SYT2: variants seen among roughly 807,000 people sequenced by gnomAD.
SYT2 encodes synaptotagmin 2.
SYT2 carries 15 observed loss-of-function variants against 39.9 expected under a neutral mutation model. That is an observed-to-expected ratio of 0.38 (90% CI 0.25 to 0.58). The LOEUF is 0.58. Ranked by LOEUF, SYT2 falls within the 20% of genes least tolerant of loss-of-function variation. SYT2 has a pLI of 0.70. For missense variants in SYT2, 389 were observed against 530.3 expected, an observed-to-expected ratio of 0.73 and a Z score of 2.62; for synonymous variants, 181 against 204.5, an observed-to-expected ratio of 0.89 and a Z score of 0.98.
chr1:202,637,458 A>G (rs773978922), intron 1 of SYT2, among the ~76,000 whole-genome samples: 1 of 152,264 alleles, frequency 6.6e-6, no homozygotes, highest in Non-Finnish European at 1.5e-5. Flanking sequence ...ACATAAGTCC[A>G]GAAGCTGGGC....
At chr1:202,642,829 ACGCCCACTTCATGCACCTCCCCG>A (rs1463728598) in intron 1 of SYT2, among the ~76,000 whole-genome samples, 2 of 151,982 alleles carry the variant, frequency 1.3e-5, no homozygotes, top group East Asian at 3.9e-4. Context: ...TTCTCTCCGC[ACGCCCACTTCATGCACCTCCCCG>A]CGCCCTTCCC....
chr1:202,606,885 G>A (rs1041666709), intron 1 of SYT2, among the ~76,000 whole-genome samples: 4 of 151,888 alleles, frequency 2.6e-5, no homozygotes, highest in African/African-American at 9.7e-5. Context: ...ACCATACTAT[G>A]TATAGTTTTT....
intron 1 of SYT2, among the ~76,000 whole-genome samples, chr1:202,670,932 T>C (rs1692574637): frequency 1.3e-5 from 2 of 152,258 alleles, no homozygotes; most frequent in Non-Finnish European, 2.9e-5. Flanking sequence ...TTCTAAATGT[T>C]CACCATCCCA....
At chr1:202,696,960 C>T (rs989637011) in intron 1 of SYT2, among the ~76,000 whole-genome samples, 1 of 152,324 alleles carries the variant, frequency 6.6e-6, no homozygotes, top group Non-Finnish European at 1.5e-5. Context: ...GTCATTAGGA[C>T]AGTGACCTAA....
chr1:202,643,890 G>A (rs1194855922), intron 1 of SYT2, among the ~76,000 whole-genome samples: 1 of 152,184 alleles, frequency 6.6e-6, no homozygotes, highest in East Asian at 1.9e-4. Flanking sequence ...CGCCAGCTCC[G>A]AGTTTACAGC....
chr1:202,631,354 G>T (rs188673873), intron 1 of SYT2, among the ~76,000 whole-genome samples: 227 of 152,284 alleles, frequency 1.5e-3, no homozygotes, highest in Admixed American at 2.7e-3. Flanking sequence ...CAGAGAACCG[G>T]CATGTAATGG....
At chr1:202,631,758 G>T (rs1691600123) in intron 1 of SYT2, among the ~76,000 whole-genome samples, 1 of 152,178 alleles carries the variant, frequency 6.6e-6, no homozygotes, top group Admixed American at 6.5e-5. Flanking sequence ...ATGGTCCCAG[G>T]AGGTAATGAG....
chr1:202,604,818 C>CTTTTTTTTTTTTTTTTTTT (rs59944538), intron 2 of SYT2, among the ~76,000 whole-genome samples, 197 bp from the exon 3 acceptor site: 1 of 71,666 alleles, frequency 1.4e-5, no homozygotes. Context: ...TCATGCCTTG[C>CTTTTTTTTTTTTTTTTTTT]TTTTTTTTTT....
intron 1 of SYT2, among the ~76,000 whole-genome samples, chr1:202,699,917 C>A (rs1654070204): frequency 6.6e-6 from 1 of 152,060 alleles, no homozygotes; most frequent in Non-Finnish European, 1.5e-5. Flanking sequence ...CCTCTCTGGG[C>A]CTTGTCTTTA....
At chr1:202,639,353 G>T in intron 1 of SYT2, 1 of 228,408 alleles carries the variant, frequency 4.4e-6, no homozygotes, top group Non-Finnish European at 7.3e-6. Flanking sequence ...ATAACTGCTT[G>T]GTGCTTAACA....
At chr1:202,645,023 T>A (rs1223741297) in intron 1 of SYT2, among the ~76,000 whole-genome samples, 1 of 151,744 alleles carries the variant, frequency 6.6e-6, no homozygotes, top group Non-Finnish European at 1.5e-5. Flanking sequence ...TGTGGGGGAG[T>A]GTGCATCTGC....
In SYT2 at chr1:202,614,694, G is replaced by A. The variant is rs151337734; in HGVS notation, c.-17-8905C>T. ...ATGATTGAACTGAGACCTGAAGGGT[G>A]AGTATTTATCCAGGTAAAGAGGAGA... is the stretch of plus-strand genomic sequence containing the variant. On this transcript the variant is annotated intron_variant, in intron 1 of 8. Coordinates refer to ENST00000367268, the MANE Select transcript of SYT2 (RefSeq NM_177402.5). The surrounding 1 kb of genome is among the most constrained non-coding windows in gnomAD (Gnocchi z 4.0). 8.7e-4 allele frequency among the ~76,000 whole-genome samples: 132 copies of A among 152,358 alleles called. No individual in the cohort carries two copies. Among genetic ancestry groups the A allele is most frequent in the Middle Eastern group, 6.8e-3 (2 of 294 alleles).
rs1415135770 is a variant in SYT2, at chr1:202,643,901, C to T, written c.-17-38112G>A. 2.0e-5 allele frequency among the ~76,000 whole-genome samples: 3 copies of T among 152,310 alleles called. No homozygotes were observed. The East Asian group carries it at 5.8e-4, about 29-fold the overall frequency. Reference sequence around the variant, plus strand: ...CACCCGCCAGCTCCGAGTTTACAGCCTCTCGGTTCGGGGGATTAGCTGGGG... The same window carrying T: ...CACCCGCCAGCTCCGAGTTTACAGCTTCTCGGTTCGGGGGATTAGCTGGGG... On this transcript the variant is annotated intron_variant, in intron 1 of 8. Coordinates refer to ENST00000367268, the MANE Select transcript of SYT2 (RefSeq NM_177402.5).
intron 1 of SYT2, among the ~76,000 whole-genome samples, chr1:202,677,936 G>A (rs150757492): frequency 1.5e-4 from 23 of 152,158 alleles, no homozygotes; most frequent in African/African-American, 5.1e-4. Context: ...AACTATACAG[G>A]GAAAAAGACT....
chr1:202,682,219 C>G (rs565773910), intron 1 of SYT2, among the ~76,000 whole-genome samples: 1 of 152,290 alleles, frequency 6.6e-6, no homozygotes, highest in East Asian at 1.9e-4. Flanking sequence ...CAAGGGAGCA[C>G]GTTGGCTGAC....
In SYT2 at chr1:202,623,804, G is replaced by A. The variant is rs1691267276; in HGVS notation, c.-17-18015C>T. ...CAGAGTGCGTGGGCAACTGCCAGCT[G>A]GGGGAGCGCTCACCAGGGGAAAGGG... is the stretch of plus-strand genomic sequence containing the variant. On this transcript the variant is annotated intron_variant, in intron 1 of 8. Transcript: ENST00000367268. This position sits in a 1 kb window ranked among gnomAD's most constrained non-coding sequence, Gnocchi z 4.2. Among the ~76,000 whole-genome samples the A allele has an allele frequency of 1.3e-5, 2 of 152,162 alleles. No homozygotes were observed. Among genetic ancestry groups the A allele is most frequent in the Admixed American group, 6.5e-5 (1 of 15,276 alleles).
intron 1 of SYT2, among the ~76,000 whole-genome samples, chr1:202,636,780 T>G (rs1258375989): frequency 2.6e-5 from 4 of 152,260 alleles, no homozygotes; most frequent in South Asian, 2.1e-4. Context: ...TAGAGCTATA[T>G]GTAAATAGTC....
chr1:202,683,981 C>T (rs1160293115), intron 1 of SYT2, among the ~76,000 whole-genome samples: 1 of 151,838 alleles, frequency 6.6e-6, no homozygotes, highest in Non-Finnish European at 1.5e-5. Flanking sequence ...GTTCACTCTT[C>T]TGTGTACATA....
At chr1:202,668,003 G>A (rs982163338) in intron 1 of SYT2, among the ~76,000 whole-genome samples, 2 of 152,154 alleles carry the variant, frequency 1.3e-5, no homozygotes, top group African/African-American at 2.4e-5. Context: ...GAGCCATCGC[G>A]CCCGGCCCAG....
Sources: allele counts gnomAD v4.1 joint callset (sites outside exome capture counted in the v4.1 genomes callset), GRCh38; gene constraint gnomAD v4.1.1; non-coding constraint Gnocchi (gnomAD v3.1); transcripts MANE v1.5; gene names NCBI Gene and HGNC (gene_info 2026-07-23, HGNC 2026-07-21).